VPS54: variants seen among roughly 807,000 people sequenced by gnomAD.
VPS54 encodes the protein VPS54 subunit of GARP complex, also known as vacuolar protein sorting-associated protein 54.
A neutral mutation model predicts 121.5 loss-of-function variants in VPS54; 45 were observed. The ratio of observed to expected loss-of-function variants is 0.37; its 90% confidence interval spans 0.29 to 0.47. The LOEUF is 0.47. VPS54 is among the 20% of genes least tolerant of loss of function. The pLI is 0.99. For synonymous variants in VPS54, 371 were observed against 385.8 expected (o/e 0.96, Z 0.45); for missense variants, 1,090 against 1,131.4 (o/e 0.96, Z 0.52).
chr2:63,966,890 C>G (rs983818608), intron 5 of VPS54, among the ~76,000 whole-genome samples: 4 of 152,152 alleles, frequency 2.6e-5, no homozygotes, highest in African/African-American at 9.7e-5. Context: ...ATACTTCTGG[C>G]CTAGAACGCC....
At chr2:63,900,212 C>G (rs1336068545) in intron 20 of VPS54, among the ~76,000 whole-genome samples, 1 of 94,416 alleles carries the variant, frequency 1.1e-5, no homozygotes, top group Non-Finnish European at 1.9e-5. Flanking sequence ...AAGAGTGAAA[C>G]TCTGTCTCAA....
rs1195446829 is a variant in VPS54 at position 63,897,359 on chromosome 2, A to T, written c.2828+137T>A. The T allele has an allele frequency of 8.2e-6, 5 of 611,468 alleles. No homozygotes were observed. In the South Asian group the frequency reaches 8.4e-5, roughly 10 times the overall value. 37.9% of individuals were successfully genotyped at this position (611,468 alleles called of 1,614,324 possible). ...ACAGATATTTCCACAGGGGAAAAAAAAAACACAAAAGCTTGCTGATTTTAC... is the reference window on the plus strand; with the variant it reads ...ACAGATATTTCCACAGGGGAAAAAATAAACACAAAAGCTTGCTGATTTTAC... On this transcript the variant is annotated intron_variant, in intron 22 of 22. Coordinates refer to ENST00000272322, the MANE Select transcript of VPS54 (RefSeq NM_016516.3).
chr2:63,992,413 G>A lies in VPS54; in HGVS notation c.-20-8394C>T, dbSNP rs148584173. On this transcript the variant is annotated intron_variant, in intron 1 of 22. Coordinates refer to ENST00000272322, the MANE Select transcript of VPS54 (RefSeq NM_016516.3). ...CGGTATGTTCCTGGACTCCGTCTCC[G>A]TCCAAAACATGAAGGGATTACTAAA... Among the ~76,000 whole-genome samples the A allele has an allele frequency of 3.5e-4, 53 of 152,276 alleles. No homozygotes were observed. In the East Asian group the frequency reaches 3.7e-3, roughly 11 times the overall value.
intron 22 of VPS54, among the ~76,000 whole-genome samples, chr2:63,895,282 C>A (rs1368278803): frequency 6.6e-6 from 1 of 152,036 alleles, no homozygotes; most frequent in Non-Finnish European, 1.5e-5. Flanking sequence ...ATGGTAAAAC[C>A]GTCTCTACTA....
chr2:63,893,033 A>G lies in VPS54; in HGVS notation c.*397T>C. ...AAGATTTTAAATTGTACCATCATTA[A>G]ATAAGGTGGGACACCATATGAATTT... is the stretch of plus-strand genomic sequence containing the variant. On this transcript the variant is annotated 3_prime_UTR_variant, in exon 23 of 23. Transcript: ENST00000272322. 6.2e-6 allele frequency: 1 copy of G among 160,972 alleles called. No individual in the cohort carries two copies. The highest frequency in any genetic ancestry group is 1.4e-5 in the Non-Finnish European group (1 of 73,598). 10.0% of individuals were successfully genotyped at this position (160,972 alleles called of 1,614,324 possible).
At chr2:63,934,319 A>G (rs1021542385) in intron 11 of VPS54, among the ~76,000 whole-genome samples, 1 of 151,350 alleles carries the variant, frequency 6.6e-6, no homozygotes, top group Non-Finnish European at 1.5e-5. Context: ...TACACTAAAC[A>G]TAACTTGCCC....
intron 18 of VPS54, 37 bp from the exon 19 acceptor site, chr2:63,912,698 A>T (rs769306132): frequency 1.1e-4 from 73 of 676,682 alleles, no homozygotes; most frequent in Middle Eastern, 6.4e-4. Context: ...ATGGAGAAAT[A>T]AAAAAAAAAA....
At chr2:63,916,767 T>C (rs945479426) in intron 16 of VPS54, 133 bp downstream of exon 16, 10 of 787,498 alleles carry the variant, frequency 1.3e-5, no homozygotes, top group Non-Finnish European at 2.1e-5. Flanking sequence ...CTTTGCAGGA[T>C]TTAAAACAGT....
At chr2:64,008,614 A>G (rs1177769294) in intron 1 of VPS54, among the ~76,000 whole-genome samples, 1 of 152,180 alleles carries the variant, frequency 6.6e-6, no homozygotes, top group African/African-American at 2.4e-5. Flanking sequence ...CAGTGAGAAA[A>G]TAAGCAGGCT....
chr2:63,950,285 C>T (rs2104530430), intron 7 of VPS54, among the ~76,000 whole-genome samples: 1 of 152,304 alleles, frequency 6.6e-6, no homozygotes, highest in South Asian at 2.1e-4. Flanking sequence ...TCGTGATGTT[C>T]TATCGGGGTT....
At chr2:63,909,337 A>C (rs912246333) in intron 20 of VPS54, among the ~76,000 whole-genome samples, 1 of 152,008 alleles carries the variant, frequency 6.6e-6, no homozygotes, top group African/African-American at 2.4e-5. Context: ...GGTGGTTGGA[A>C]CATTAGTCTA....
At chr2:63,910,795 T>C (rs1227531355) in intron 20 of VPS54, among the ~76,000 whole-genome samples, 1 of 152,234 alleles carries the variant, frequency 6.6e-6, no homozygotes, top group Admixed American at 6.5e-5. Context: ...ACAATTCTTA[T>C]TCAAAAACTC....
intron 3 of VPS54, among the ~76,000 whole-genome samples, chr2:63,972,764 G>A (rs370626642): frequency 3.9e-5 from 6 of 152,060 alleles, no homozygotes; most frequent in South Asian, 2.1e-4. Flanking sequence ...TGAAATCCCA[G>A]CTATTGGGGA....
At chr2:63,938,577 G>A (rs1674574794) in intron 11 of VPS54, among the ~76,000 whole-genome samples, 1 of 152,144 alleles carries the variant, frequency 6.6e-6, no homozygotes, top group African/African-American at 2.4e-5. Context: ...CGATTCTCCT[G>A]CCTCAGCCTC....
At chr2:63,985,837 G>A (rs1165373776) in intron 1 of VPS54, among the ~76,000 whole-genome samples, 4 of 152,120 alleles carry the variant, frequency 2.6e-5, no homozygotes, top group African/African-American at 9.7e-5. Context: ...AAAGGCCTCT[G>A]TCATTTATAT....
intron 9 of VPS54, among the ~76,000 whole-genome samples, chr2:63,945,678 T>C (rs1043228347): frequency 1.3e-5 from 2 of 152,168 alleles, no homozygotes; most frequent in South Asian, 2.1e-4. Flanking sequence ...TATGTTTGAA[T>C]TGTAATAATT....
At chr2:63,994,610 C>T (rs1024220406) in intron 1 of VPS54, among the ~76,000 whole-genome samples, 30 of 152,178 alleles carry the variant, frequency 2.0e-4, no homozygotes, top group African/African-American at 6.8e-4. Context: ...AAACTCAAGT[C>T]TGGGCTGCTT....
chr2:64,003,216 G>A (rs1196231911), intron 1 of VPS54, among the ~76,000 whole-genome samples: 1 of 152,096 alleles, frequency 6.6e-6, no homozygotes, highest in East Asian at 1.9e-4. Context: ...CAGGAAAACG[G>A]AAAGCTCTAA....
chr2:63,958,513 G>C (rs183425631), intron 7 of VPS54, among the ~76,000 whole-genome samples: 100 of 152,166 alleles, frequency 6.6e-4, no homozygotes, highest in African/African-American at 2.1e-3. Context: ...AAAAGCAATA[G>C]AACCAGTCTG....
Sources: gnomAD v4.1 joint callset for allele counts (sites outside exome capture counted in the v4.1 genomes callset) on GRCh38, gnomAD v4.1.1 for gene constraint, MANE v1.5 for transcripts, NCBI Gene and HGNC (gene_info 2026-07-23, HGNC 2026-07-21) for gene names.